The following MARCHF6 variants were observed in gnomAD, a reference collection of about 807,000 sequenced individuals.
MARCHF6 encodes the protein E3 ubiquitin-protein ligase MARCHF6.
Under a neutral mutation model 133.7 loss-of-function variants are expected in MARCHF6, and 31 were observed. That is an observed-to-expected ratio of 0.23 (90% confidence interval 0.17 to 0.31). The LOEUF is 0.31. MARCHF6 is among the 10% of genes least tolerant of loss of function. MARCHF6 has a pLI of 1.00. For synonymous variants in MARCHF6, 395 were observed against 402.5 expected (o/e 0.98, Z 0.22); for missense variants, 723 against 1,121.6 (o/e 0.64, Z 5.08).
intron 23 of MARCHF6, 116 bp downstream of exon 23, chr5:10,423,940 G>A (rs903275276): frequency 3.3e-5 from 20 of 598,222 alleles, no homozygotes; most frequent in African/African-American, 2.7e-4. Flanking sequence ...CATTTTTTTT[G>A]ATGGGCATAT....
chr5:10,431,462 C>T (rs142096524), intron 25 of MARCHF6, among the ~76,000 whole-genome samples: 17 of 152,298 alleles, frequency 1.1e-4, no homozygotes, highest in Admixed American at 2.0e-4. Flanking sequence ...CTATCTTCTT[C>T]TGCTTTTTCC....
intron 1 of MARCHF6, among the ~76,000 whole-genome samples, chr5:10,361,299 G>T (rs1318396595): frequency 6.6e-6 from 1 of 152,212 alleles, no homozygotes; most frequent in Non-Finnish European, 1.5e-5. Context: ...GTTTTAGTTT[G>T]CAGGGGCTGC....
chr5:10,357,119 T>G (rs1211329291), intron 1 of MARCHF6, among the ~76,000 whole-genome samples: 1 of 152,170 alleles, frequency 6.6e-6, no homozygotes, highest in African/African-American at 2.4e-5. Context: ...CTTAGACATT[T>G]GCCCTCCTCA....
At chr5:10,385,550 C>A (rs866411486) in intron 4 of MARCHF6, among the ~76,000 whole-genome samples, 29 of 152,242 alleles carry the variant, frequency 1.9e-4, no homozygotes, top group African/African-American at 6.5e-4. Context: ...AAAACTTGCA[C>A]TACTACAAGA....
In MARCHF6 at chr5:10,415,488, T is replaced by C. The variant is rs1348117075; in HGVS notation, c.1967T>C (p.Val656Ala). The change falls in exon 21 of 26, where the codon GTA (valine) becomes GCA (alanine). Residue 656 changes from valine (V) to alanine (A), a missense_variant and splice_region_variant. By Grantham distance (64) the Val-to-Ala change is moderately conservative. This residue lies in a region of MARCHF6 where 492 missense variants were observed against 699.5 expected (regional missense o/e 0.70). Transcript: ENST00000274140. ...IASLICLTLP[V>A]FAGRWLMSFW... is the part of the protein sequence containing the mutation. ...CATTTATCAGCTTTTCTATTTTCAG[T>C]ATTTGCTGGCCGTTGGTTAATGTCG... 1 of 1,608,568 alleles carries C rather than the reference T, an allele frequency of 6.2e-7. No individual in the cohort carries two copies. The highest frequency in any genetic ancestry group is 8.5e-7 in the Non-Finnish European group (1 of 1,175,530).
intron 1 of MARCHF6, among the ~76,000 whole-genome samples, chr5:10,367,797 G>A (rs1736223119): frequency 6.6e-6 from 1 of 151,624 alleles, no homozygotes; most frequent in Non-Finnish European, 1.5e-5. Context: ...ATTGTTTATT[G>A]AGCCAAGCTC....
Position 10,383,060 on chromosome 5 carries a change from G to GAA in MARCHF6, c.334+1117_334+1118insAA, listed in dbSNP as rs1470449556. Among the ~76,000 whole-genome samples the GAA allele has an allele frequency of 3.3e-5, 5 of 152,194 alleles. No individual in the cohort carries two copies. In the East Asian group the frequency reaches 9.6e-4, roughly 29 times the overall value. ...AAGATTCATTAGAGTTAAACTAAATGTTTAATTAGTATAATTGATATCTTC... is the reference window on the plus strand; with the variant it reads ...AAGATTCATTAGAGTTAAACTAAATGAATTTAATTAGTATAATTGATATCTTC... On this transcript the variant is annotated intron_variant, in intron 4 of 25. Transcript: ENST00000274140.
chr5:10,387,439 A>G (rs1396654414), intron 5 of MARCHF6, among the ~76,000 whole-genome samples: 1 of 151,660 alleles, frequency 6.6e-6, no homozygotes, highest in African/African-American at 2.4e-5. Flanking sequence ...AGTAGCTGGG[A>G]TTACAGGCAC....
At chr5:10,355,780 T>C (rs1461492267) in intron 1 of MARCHF6, among the ~76,000 whole-genome samples, 1 of 152,226 alleles carries the variant, frequency 6.6e-6, no homozygotes, top group Non-Finnish European at 1.5e-5. Context: ...TCCAGGATAA[T>C]ACAGGTAGTA....
intron 1 of MARCHF6, among the ~76,000 whole-genome samples, chr5:10,376,893 C>G (rs1736817344): frequency 6.6e-6 from 1 of 152,150 alleles, no homozygotes; most frequent in African/African-American, 2.4e-5. Flanking sequence ...AGAGATTAGG[C>G]TGAAAGTGTG....
Position 10,435,624 on chromosome 5 carries a change from TATATAA to T in MARCHF6, c.*1941_*1946del, listed in dbSNP as rs1258078917. ...ATTATTATTGAATTGAGCATATAAC[TATATAA>T]CTATATAACTATATATATATATATA... On this transcript the variant is annotated 3_prime_UTR_variant, in exon 26 of 26. Coordinates refer to ENST00000274140, the MANE Select transcript of MARCHF6 (RefSeq NM_005885.4). 8.9e-3 allele frequency: 17 copies of T among 1,916 alleles called. 1 individual carries two copies. The East Asian group carries it at 0.23, about 26-fold the overall frequency. 0.1% of individuals were successfully genotyped at this position (1,916 alleles called of 1,614,324 possible). A position where few individuals can be genotyped will look rare whatever the true frequency, so the allele number is the denominator to read the frequency against.
intron 1 of MARCHF6, among the ~76,000 whole-genome samples, chr5:10,366,356 A>G (rs1306551464): frequency 1.3e-5 from 2 of 152,224 alleles, no homozygotes; most frequent in South Asian, 2.1e-4. Flanking sequence ...TATATTTTCA[A>G]AATTGTCTAC....
Position 10,400,846 on chromosome 5 carries a change from A to C in MARCHF6, c.972+4A>C. On this transcript the variant is annotated splice_donor_region_variant and intron_variant, in intron 11 of 25. Coordinates refer to ENST00000274140, the MANE Select transcript of MARCHF6 (RefSeq NM_005885.4). ...TGGTTTGGGATTTGAAGAACACGTG[A>C]GTATAATACTTTTACAAAGTTACTT... 1.9e-6 allele frequency: 3 copies of C among 1,601,012 alleles called. No homozygotes were observed. Among genetic ancestry groups the C allele is most frequent in the Non-Finnish European group, 2.6e-6 (3 of 1,168,344 alleles).
At chr5:10,410,343 A>G (rs1409884575) in intron 18 of MARCHF6, 67 bp downstream of exon 18, 21 of 1,550,928 alleles carry the variant, frequency 1.4e-5, no homozygotes, top group Non-Finnish European at 1.7e-5. Context: ...CCTTTCTGGA[A>G]AAAGTATGTT....
rs1238441585 is a variant in MARCHF6, at chr5:10,435,496, A to T, written c.*1812A>T. On this transcript the variant is annotated 3_prime_UTR_variant, in exon 26 of 26. Transcript: ENST00000274140. ...TTGAAATAAGGTCTTTGTTAGCCCTACCTTTACTCAGAAATTTAGTCCTAC... is the reference window on the plus strand; with the variant it reads ...TTGAAATAAGGTCTTTGTTAGCCCTTCCTTTACTCAGAAATTTAGTCCTAC... 2 of 150,266 alleles carry T rather than the reference A, an allele frequency of 1.3e-5. No homozygotes were observed. The highest frequency in any genetic ancestry group is 4.9e-5 in the African/African-American group (2 of 40,866). The allele number at this position is 150,266 out of a possible 1,614,324, so 9.3% of individuals were successfully genotyped here. A position where few individuals can be genotyped will look rare whatever the true frequency, so the allele number is the denominator to read the frequency against.
intron 5 of MARCHF6, among the ~76,000 whole-genome samples, chr5:10,389,095 C>T (rs2126724291): frequency 6.6e-6 from 1 of 152,234 alleles, no homozygotes; most frequent in East Asian, 1.9e-4. Context: ...CAGATTGACC[C>T]TTCTCAGGTT....
chr5:10,385,286 C>T (rs1579557619), intron 4 of MARCHF6, among the ~76,000 whole-genome samples: 1 of 152,132 alleles, frequency 6.6e-6, no homozygotes. Flanking sequence ...TTTAAGAATT[C>T]ACCCATCTGT....
intron 3 of MARCHF6, 40 bp downstream of exon 3, chr5:10,378,872 A>G (rs755940004): frequency 1.4e-6 from 2 of 1,383,080 alleles, no homozygotes; most frequent in Admixed American, 3.5e-5. Flanking sequence ...TTTTTTGGTT[A>G]TCACTCGTGG....
At chr5:10,424,659 A>G (rs1210866770) in intron 23 of MARCHF6, among the ~76,000 whole-genome samples, 1 of 152,206 alleles carries the variant, frequency 6.6e-6, no homozygotes, top group Non-Finnish European at 1.5e-5. Context: ...AAATGAAAAT[A>G]CGTGCTTTTT....
Sources: allele counts gnomAD v4.1 joint callset (sites outside exome capture counted in the v4.1 genomes callset), GRCh38; gene constraint gnomAD v4.1.1; regional missense constraint gnomAD v4.1.1; transcripts MANE v1.5; gene names NCBI Gene and HGNC (gene_info 2026-07-23, HGNC 2026-07-21).